WDR72: variants seen among roughly 807,000 people sequenced by gnomAD.
WDR72 encodes WD repeat-containing protein 72.
Under a neutral mutation model 124.2 loss-of-function variants are expected in WDR72, and 120 were observed. That is an observed-to-expected ratio of 0.97 (90% confidence interval 0.83 to 1.12). The LOEUF (loss-of-function observed/expected upper bound fraction) is 1.12, where lower values mean the gene tolerates loss of function less well. Ranked by LOEUF, WDR72 falls within the 50% of genes most tolerant of loss-of-function variation. The probability of loss-of-function intolerance (pLI) is 0.00; values close to 1 mark genes in which losing one functional copy is unlikely to be tolerated. For missense variants in WDR72, 1,387 were observed against 1,278.8 expected, an observed-to-expected ratio of 1.08 and a Z score of -1.29; for synonymous variants, 452 against 441.7, an observed-to-expected ratio of 1.02 and a Z score of -0.29.
chr15:53,638,203 T>C (rs754039789), intron 14 of WDR72, among the ~76,000 whole-genome samples: 12 of 152,198 alleles, frequency 7.9e-5, no homozygotes, highest in Non-Finnish European at 8.8e-5. Context: ...TCCAACCTCT[T>C]AGCTATAACA....
intron 13 of WDR72, among the ~76,000 whole-genome samples, chr15:53,672,823 GT>G (rs1359667437): frequency 6.6e-6 from 1 of 152,070 alleles, no homozygotes; most frequent in Non-Finnish European, 1.5e-5. Context: ...ATTATTTGCT[GT>G]CTTCTACTTA....
chr15:53,689,217 G>A (rs1482096881), intron 13 of WDR72, among the ~76,000 whole-genome samples: 1 of 151,782 alleles, frequency 6.6e-6, no homozygotes, highest in Non-Finnish European at 1.5e-5. Context: ...TGACAAATGG[G>A]ATCTAATTAA....
In WDR72 at chr15:53,733,098, G is replaced by C. The variant is rs2018250560; in HGVS notation, c.52C>G (p.His18Asp). 1 of 1,614,054 alleles carries C rather than the reference G, an allele frequency of 6.2e-7. No individual in the cohort carries two copies. The highest frequency in any genetic ancestry group is 2.2e-5 in the East Asian group (1 of 44,886). The stretch of plus-strand genomic sequence containing the variant: ...GTGATCATGATGGCAGTGATGCTGT[G>C]GGGAGGGGCCTTCTGTCCCCAGAGT... ...VALWGQKAPP[H>D]SITAIMITDD... is the part of the protein sequence containing the mutation. The change falls in exon 2 of 20, where the codon CAC becomes GAC. Residue 18 changes from histidine (H) to aspartate (D), a missense_variant. Physicochemically the swap from His to Asp is moderately conservative, Grantham distance 81. Coordinates refer to ENST00000360509, the MANE Select transcript of WDR72 (RefSeq NM_182758.4).
chr15:53,550,068 G>T (rs1174918392), intron 18 of WDR72, among the ~76,000 whole-genome samples: 1 of 152,130 alleles, frequency 6.6e-6, no homozygotes, highest in East Asian at 1.9e-4. Flanking sequence ...GCCAACCATT[G>T]TTTATTGAAC....
At chr15:53,735,026 T>A (rs1308904549) in intron 1 of WDR72, among the ~76,000 whole-genome samples, 1 of 151,990 alleles carries the variant, frequency 6.6e-6, no homozygotes, top group African/African-American at 2.4e-5. Flanking sequence ...AGGCGCAGTG[T>A]CTCAGGCCTG....
At chr15:53,727,868 C>T (rs974156074) in intron 2 of WDR72, among the ~76,000 whole-genome samples, 1 of 152,112 alleles carries the variant, frequency 6.6e-6, no homozygotes, top group African/African-American at 2.4e-5. Context: ...TGAAGAATAA[C>T]AAAATTCAAA....
At chr15:53,672,312 T>TAAAAA (rs5812704) in intron 13 of WDR72, among the ~76,000 whole-genome samples, 28 of 136,438 alleles carry the variant, frequency 2.1e-4, no homozygotes, top group African/African-American at 7.1e-4. Context: ...AAATGCCGAT[T>TAAAAA]AAAAAAAAAA....
intron 18 of WDR72, among the ~76,000 whole-genome samples, chr15:53,575,340 A>G (rs565253825): frequency 5.3e-5 from 8 of 152,274 alleles, no homozygotes; most frequent in East Asian, 1.9e-4. Flanking sequence ...GGATGCTGAC[A>G]CTTTATATAT....
At chr15:53,751,234 C>A (rs1227830499) in intron 1 of WDR72, among the ~76,000 whole-genome samples, 2 of 147,274 alleles carry the variant, frequency 1.4e-5, no homozygotes, top group African/African-American at 4.9e-5. Flanking sequence ...CATAGTGAGA[C>A]TACTTTAAAA....
chr15:53,606,105 C>A (rs2013269654), intron 17 of WDR72, among the ~76,000 whole-genome samples: 1 of 152,094 alleles, frequency 6.6e-6, no homozygotes, highest in Non-Finnish European at 1.5e-5. Context: ...ATTTCACATA[C>A]CGTCACAGAA....
chr15:53,739,693 T>C (rs1487828969), intron 1 of WDR72, among the ~76,000 whole-genome samples: 1 of 152,016 alleles, frequency 6.6e-6, no homozygotes, highest in Non-Finnish European at 1.5e-5. Context: ...GTATTGCTCT[T>C]TTCACCACAG....
At chr15:53,593,532 T>G (rs12439520) in intron 18 of WDR72, among the ~76,000 whole-genome samples, 18,465 of 151,876 alleles carry the variant, frequency 0.12, 1,611 homozygotes, top group African/African-American at 0.24. Flanking sequence ...TTTGGCAAGG[T>G]GGGCAGATTG....
intron 18 of WDR72, among the ~76,000 whole-genome samples, chr15:53,582,165 A>G (rs796119980): frequency 3.3e-5 from 5 of 152,020 alleles, no homozygotes; most frequent in Admixed American, 1.3e-4. Flanking sequence ...AGTACCTTTT[A>G]TACTTGTGAT....
intron 1 of WDR72, among the ~76,000 whole-genome samples, chr15:53,753,336 A>G (rs2018819722): frequency 6.6e-6 from 1 of 152,232 alleles, no homozygotes; most frequent in African/African-American, 2.4e-5. Context: ...CCTAATGCCC[A>G]CGATTCTAGT....
rs2017531567 is a variant in WDR72 at position 53,711,331 on chromosome 15, C to T, written c.857+5G>A. The T allele has an allele frequency of 6.2e-7, 1 of 1,614,010 alleles. No individual in the cohort carries two copies. The highest frequency in any genetic ancestry group is 1.3e-5 in the African/African-American group (1 of 74,904). Reference sequence around the variant, plus strand: ...GTTTTGTATGCCGCTCCCATCTGAGCCCACCTGTTCAGCAGCTGATAGATG... The same window carrying T: ...GTTTTGTATGCCGCTCCCATCTGAGTCCACCTGTTCAGCAGCTGATAGATG... On this transcript the variant is annotated splice_donor_5th_base_variant and intron_variant, in intron 8 of 19. Coordinates refer to ENST00000360509, the MANE Select transcript of WDR72 (RefSeq NM_182758.4).
intron 14 of WDR72, among the ~76,000 whole-genome samples, chr15:53,616,830 G>A (rs2013787818): frequency 6.6e-6 from 1 of 151,902 alleles, no homozygotes. Context: ...GGCATTCCTT[G>A]AATACTCTAT....
intron 18 of WDR72, among the ~76,000 whole-genome samples, chr15:53,578,079 G>T (rs2011707150): frequency 6.6e-6 from 1 of 151,994 alleles, no homozygotes. Context: ...AATGCATATT[G>T]CAATTCAAGA....
intron 18 of WDR72, among the ~76,000 whole-genome samples, chr15:53,569,231 T>C (rs1894414465): frequency 6.6e-6 from 1 of 152,024 alleles, no homozygotes; most frequent in South Asian, 2.1e-4. Context: ...TCAAGTACTA[T>C]GTTGAGCCTC....
intron 13 of WDR72, among the ~76,000 whole-genome samples, chr15:53,675,417 C>A (rs2016135980): frequency 1.3e-5 from 2 of 151,730 alleles, no homozygotes. Context: ...CAATTTACAA[C>A]CAATTTAAGA....
Sources: allele counts gnomAD v4.1 joint callset (sites outside exome capture counted in the v4.1 genomes callset), GRCh38; gene constraint gnomAD v4.1.1; transcripts MANE v1.5; gene names NCBI Gene and HGNC (gene_info 2026-07-23, HGNC 2026-07-21).